The following CHODL variants were observed in gnomAD, a reference collection of about 807,000 sequenced individuals.
CHODL encodes transmembrane protein MT75.
Under a neutral mutation model 34.5 loss-of-function variants are expected in CHODL, and 29 were observed. That is an observed-to-expected ratio of 0.84 (90% CI 0.63 to 1.15). The LOEUF (loss-of-function observed/expected upper bound fraction) is 1.15. CHODL is among the 50% of genes most tolerant of loss of function. CHODL has a pLI of 0.00. For missense variants in CHODL, 332 were observed against 332.5 expected, an observed-to-expected ratio of 1.00 and a Z score of 0.01; for synonymous variants, 125 against 116.1, an observed-to-expected ratio of 1.08 and a Z score of -0.49.
chr21:18,193,653 G>A (rs529433102), intron 2 of CHODL, among the ~76,000 whole-genome samples: 17 of 147,804 alleles, frequency 1.2e-4, no homozygotes, highest in Non-Finnish European at 2.4e-4. Context: ...CTGAGATTAT[G>A]CCACTGCACT....
intron 1 of CHODL, among the ~76,000 whole-genome samples, chr21:17,922,389 G>A (rs564792218): frequency 2.4e-4 from 37 of 152,244 alleles, no homozygotes; most frequent in African/African-American, 8.7e-4. Flanking sequence ...CTGGATGTCT[G>A]GACAGCCTAG....
chr21:18,222,364 C>T (rs181952782), intron 2 of CHODL, among the ~76,000 whole-genome samples: 1 of 152,266 alleles, frequency 6.6e-6, no homozygotes, highest in East Asian at 1.9e-4. Context: ...TATTTGGCTT[C>T]AGGGCAGGAT....
At chr21:17,936,319 TA>T (rs746304402) in intron 1 of CHODL, among the ~76,000 whole-genome samples, 1 of 152,146 alleles carries the variant, frequency 6.6e-6, no homozygotes, top group East Asian at 1.9e-4. Context: ...AACTGTGACA[TA>T]ACCTTAATGA....
intron 5 of CHODL, 118 bp from the exon 6 acceptor site, chr21:18,265,836 A>C (rs374071437): frequency 0.039 from 27,760 of 711,160 alleles, 998 homozygotes; most frequent in East Asian, 0.15. Flanking sequence ...GGGAAAATAT[A>C]CTGCTGAGAG....
intron 2 of CHODL, among the ~76,000 whole-genome samples, chr21:18,186,734 C>T (rs2073445505): frequency 6.6e-6 from 1 of 152,146 alleles, no homozygotes; most frequent in Non-Finnish European, 1.5e-5. Context: ...ATTAAATCCA[C>T]ACAATAATAT....
intron 1 of CHODL, among the ~76,000 whole-genome samples, chr21:18,013,855 G>A (rs572735573): frequency 7.9e-5 from 12 of 151,674 alleles, no homozygotes; most frequent in Middle Eastern, 3.4e-3. Flanking sequence ...GGCTGGTCTC[G>A]AACTCCTGAC....
intron 1 of CHODL, among the ~76,000 whole-genome samples, chr21:17,941,772 G>T (rs1460185069): frequency 6.6e-6 from 1 of 152,160 alleles, no homozygotes; most frequent in African/African-American, 2.4e-5. Flanking sequence ...ATAAACAACA[G>T]AAATTTATTT....
chr21:18,055,753 G>A lies in CHODL; in HGVS notation c.-45+27782G>A, dbSNP rs537389855. Among the ~76,000 whole-genome samples, 76 of 152,064 alleles carry A rather than the reference G, an allele frequency of 5.0e-4. No homozygotes were observed. In the South Asian group the frequency reaches 5.6e-3, roughly 11 times the overall value. ...CAGGGCTAAGTCAATACCAAGGTGG[G>A]GAAGAATGAACATCTTTATCTGGTC... is the stretch of plus-strand genomic sequence containing the variant. On this transcript the variant is annotated intron_variant, in intron 2 of 6. Transcript: ENST00000400127.
chr21:18,188,383 T>C (rs532838438), intron 2 of CHODL, among the ~76,000 whole-genome samples: 1 of 152,354 alleles, frequency 6.6e-6, no homozygotes, highest in African/African-American at 2.4e-5. Context: ...GGATGTTCAA[T>C]AGGCATTTCA....
intron 2 of CHODL, among the ~76,000 whole-genome samples, chr21:18,076,858 A>C (rs2064872895): frequency 6.6e-6 from 1 of 152,218 alleles, no homozygotes; most frequent in Non-Finnish European, 1.5e-5. Context: ...GAGCCACCAA[A>C]GTGAAATTCC....
chr21:18,164,784 A>G (rs867740959), intron 2 of CHODL, among the ~76,000 whole-genome samples: 1 of 152,104 alleles, frequency 6.6e-6, no homozygotes, highest in African/African-American at 2.4e-5. Flanking sequence ...ATTAGCTAAA[A>G]CAAAACTGTC....
intron 2 of CHODL, among the ~76,000 whole-genome samples, chr21:18,134,719 C>G (rs1023626939): frequency 2.6e-5 from 4 of 152,188 alleles, no homozygotes; most frequent in Non-Finnish European, 5.9e-5. Flanking sequence ...TTTCACCTCT[C>G]TCACAAGAGG....
chr21:18,212,537 T>C (rs1420952190), intron 2 of CHODL, among the ~76,000 whole-genome samples: 1 of 149,978 alleles, frequency 6.7e-6, no homozygotes, highest in Non-Finnish European at 1.5e-5. Flanking sequence ...TTGGGTGTTT[T>C]CATTGGATGT....
At chr21:18,023,397 A>G (rs2064145344) in intron 1 of CHODL, among the ~76,000 whole-genome samples, 1 of 152,062 alleles carries the variant, frequency 6.6e-6, no homozygotes, top group African/African-American at 2.4e-5. Context: ...GTCATACAGG[A>G]TGAGGCCACC....
intron 2 of CHODL, among the ~76,000 whole-genome samples, chr21:18,220,556 G>C (rs1353969819): frequency 6.6e-6 from 1 of 152,016 alleles, no homozygotes; most frequent in Admixed American, 6.6e-5. Context: ...TTCATTTCCA[G>C]ATATAGGACT....
At chr21:18,186,161 C>T (rs983546055) in intron 2 of CHODL, among the ~76,000 whole-genome samples, 4 of 152,252 alleles carry the variant, frequency 2.6e-5, no homozygotes, top group Admixed American at 1.3e-4. Context: ...TCCAGCAGAA[C>T]GACCCTACCG....
intron 1 of CHODL, among the ~76,000 whole-genome samples, chr21:18,003,426 CT>C (rs1482053921): frequency 6.7e-6 from 1 of 149,366 alleles, no homozygotes; most frequent in Non-Finnish European, 1.5e-5. Flanking sequence ...ATATATTAAT[CT>C]AAAATATAAT....
At chr21:18,261,025 G>A (rs2074375783) in intron 4 of CHODL, among the ~76,000 whole-genome samples, 1 of 152,084 alleles carries the variant, frequency 6.6e-6, no homozygotes, top group South Asian at 2.1e-4. Flanking sequence ...AGGAGTGGGA[G>A]GAAACAGCAA....
intron 2 of CHODL, among the ~76,000 whole-genome samples, chr21:18,045,575 C>T (rs987538536): frequency 6.6e-6 from 1 of 151,858 alleles, no homozygotes; most frequent in Non-Finnish European, 1.5e-5. Context: ...CCTGTGACAC[C>T]TTATTTCAAG....
Sources: gnomAD v4.1 joint callset for allele counts (sites outside exome capture counted in the v4.1 genomes callset) on GRCh38, gnomAD v4.1.1 for gene constraint, MANE v1.5 for transcripts, NCBI Gene and HGNC (gene_info 2026-07-23, HGNC 2026-07-21) for gene names.